Variants in GIGYF1 observed in about 807,000 individuals in gnomAD.
GIGYF1 encodes the protein GRB10-interacting GYF protein 1.
A neutral mutation model predicts 147.1 loss-of-function variants in GIGYF1; 84 were observed. That is an observed-to-expected ratio of 0.57 (90% CI 0.48 to 0.68). GIGYF1 has a LOEUF of 0.68. Ranked by LOEUF, GIGYF1 falls within the 30% of genes least tolerant of loss-of-function variation. The pLI is 0.00. For synonymous variants in GIGYF1, 752 were observed against 589.5 expected (o/e 1.28, Z -3.99); for missense variants, 1,485 against 1,393.7 (o/e 1.07, Z -1.04).
intron 15 of GIGYF1, 41 bp from the exon 16 acceptor site, chr7:100,684,657 C>T (rs1321551812): frequency 1.2e-6 from 2 of 1,612,682 alleles, no homozygotes; most frequent in Admixed American, 1.7e-5. Context: ...ACTGGGGTCA[C>T]AGGGTATGCC....
rs768202565 is a variant in GIGYF1 at position 100,684,061 on chromosome 7, G to GAGC, written c.1824_1826dup (p.Leu609dup). 1 of 1,606,764 alleles carries GAGC rather than the reference G, an allele frequency of 6.2e-7. No homozygotes were observed. Among genetic ancestry groups the GAGC allele is most frequent in the South Asian group, 1.1e-5 (1 of 90,992 alleles). On this transcript the variant is annotated inframe_insertion, in exon 18 of 27. Coordinates refer to ENST00000678049, the MANE Select transcript of GIGYF1 (RefSeq NM_001375765.1). ...CCTGGAGCTGCTGCAGGAATGCCGT[G>GAGC]AGCTGCTGCTGCTGCTGCTGTGGCG... is the stretch of plus-strand genomic sequence containing the variant.
chr7:100,682,804 C>G, intron 22 of GIGYF1, 27 bp from the exon 23 acceptor site: 2 of 1,513,192 alleles, frequency 1.3e-6, no homozygotes, highest in Non-Finnish European at 1.8e-6. Context: ...ATCAGAGTGG[C>G]TCAAACAAAG....
In GIGYF1 at chr7:100,685,130, G is replaced by A; in HGVS notation, c.1209C>T (p.Ile403=). ...PPAAEDDIRG[I]QLSPGVGSSA... ...AGGAGCCCACCCCGGGACTCAGCTG[G>A]ATCCCCCGAATATCATCTGGAAGGC... The change falls in exon 14 of 27, where the codon ATC becomes ATT. Residue 403 remains isoleucine, a synonymous_variant. Coordinates refer to ENST00000678049, the MANE Select transcript of GIGYF1 (RefSeq NM_001375765.1). 6.3e-7 allele frequency: 1 copy of A among 1,583,012 alleles called. No individual in the cohort carries two copies. Among genetic ancestry groups the A allele is most frequent in the Non-Finnish European group, 8.6e-7 (1 of 1,163,378 alleles).
chr7:100,684,935 T>A, intron 14 of GIGYF1, 41 bp from the exon 15 acceptor site: 2 of 1,597,398 alleles, frequency 1.3e-6, no homozygotes, highest in Non-Finnish European at 1.7e-6. Flanking sequence ...GCTGCCAATC[T>A]CAGCAACATC....
chr7:100,688,066 G>A lies in GIGYF1; in HGVS notation c.80C>T (p.Pro27Leu), dbSNP rs761128413. Residue 27 changes from proline (P) to leucine (L), a missense_variant, in exon 5 of 27, where the codon CCG (proline) becomes CTG (leucine). Physicochemically the swap from Pro to Leu is moderately conservative, Grantham distance 98. Transcript: ENST00000678049. The part of the protein sequence containing the change: ...SGGGSVASPP[P>L]SPAMPKYKLA... ...CTTGTATTTGGGCATGGCAGGGGAC[G>A]GGGGTGGGGAGGCCACGCTGCCGCC... The A allele has an allele frequency of 7.4e-6, 12 of 1,612,436 alleles. No individual in the cohort carries two copies. Among genetic ancestry groups the A allele is most frequent in the African/African-American group, 2.7e-5 (2 of 74,918 alleles).
In GIGYF1 at chr7:100,684,576, G is replaced by A. The variant is rs762305052; in HGVS notation, c.1503C>T (p.Ala501=). The A allele has an allele frequency of 3.7e-6, 6 of 1,614,176 alleles. No homozygotes were observed. Among genetic ancestry groups the A allele is most frequent in the Middle Eastern group, 3.3e-4 (2 of 6,062 alleles). The part of the protein sequence containing the change: ...TTQEMAEWFQ[A]GYFSMSLLVK... ...CCAGCAGTGACATGGAAAAGTAGCC[G>A]GCCTGGAACCACTCTGCCATCTCCT... is the stretch of plus-strand genomic sequence containing the variant. Residue 501 remains alanine (A), a synonymous_variant, in exon 16 of 27, where the codon GCC becomes GCT. Transcript: ENST00000678049.
At chr7:100,686,890 G>C (rs576186216) in intron 9 of GIGYF1, 71 bp from the exon 10 acceptor site, 2 of 1,601,764 alleles carry the variant, frequency 1.2e-6, no homozygotes, top group Non-Finnish European at 8.5e-7. Context: ...GAAACGTTGG[G>C]GGGGCCAGCT....
rs771092929 is a variant in GIGYF1, at chr7:100,683,588, G to T, written c.2014C>A (p.Gln672Lys). 6.2e-7 allele frequency: 1 copy of T among 1,614,230 alleles called. No homozygotes were observed. The highest frequency in any genetic ancestry group is 1.1e-5 in the South Asian group (1 of 91,090). ...LWDIPINSST[Q>K]GPILEQLQLQ... ...TGGAGTTGTTCTAGAATTGGACCCT[G>T]AGTCGAAGAGTTAATTGGTATGTCC... is the stretch of plus-strand genomic sequence containing the variant. Residue 672 changes from glutamine (Q) to lysine (K), a missense_variant, in exon 20 of 27, where the codon CAG becomes AAG. By Grantham distance (53) the Gln-to-Lys change is moderately conservative. Transcript: ENST00000678049.
intron 9 of GIGYF1, 67 bp downstream of exon 9, chr7:100,686,939 C>A (rs903281906): frequency 8.0e-5 from 128 of 1,606,896 alleles, no homozygotes; most frequent in Non-Finnish European, 1.0e-4. Flanking sequence ...AAATAAGCAC[C>A]CCCAGACTGG....
At chr7:100,685,258 G>A in intron 13 of GIGYF1, 86 bp downstream of exon 13, 5 of 1,528,264 alleles carry the variant, frequency 3.3e-6, no homozygotes, top group Non-Finnish European at 4.4e-6. Flanking sequence ...CAATGTGAAT[G>A]CCCTGTGTGC....
intron 18 of GIGYF1, 45 bp downstream of exon 18, chr7:100,683,975 T>TCCCCC: frequency 1.2e-6 from 1 of 825,818 alleles, no homozygotes; most frequent in South Asian, 1.4e-5. Flanking sequence ...TCTGCCCCCA[T>TCCCCC]CCCCCCCCCA....
Position 100,689,342 on chromosome 7 carries a change from G to A in GIGYF1, c.-885C>T, listed in dbSNP as rs970329104. ...CTCTGGCACCATCAGGTGGAAATAA[G>A]GTCAGGGCAATGGAGGCTGATGGGG... On this transcript the variant is annotated 5_prime_UTR_variant, in exon 2 of 27. Transcript: ENST00000678049. 9 of 152,356 alleles carry A rather than the reference G, an allele frequency of 5.9e-5. No homozygotes were observed. The highest frequency in any genetic ancestry group is 1.3e-4 in the Non-Finnish European group (9 of 68,158). 9.4% of individuals were successfully genotyped at this position (152,356 alleles called of 1,614,324 possible). A position where few individuals can be genotyped will look rare whatever the true frequency, so the allele number is the denominator to read the frequency against.
At chr7:100,687,685 A>G (rs879027714) in intron 6 of GIGYF1, 69 bp from the exon 7 acceptor site, 1 of 936,346 alleles carries the variant, frequency 1.1e-6, no homozygotes, top group Non-Finnish European at 1.5e-6. Context: ...ACCCCACAGC[A>G]CCCTCCCCGC....
chr7:100,686,240 C>T lies in GIGYF1; in HGVS notation c.888G>A (p.Leu296=). ...TGCCCATTTCTTCATCCTCATCGTC[C>T]AGGCACCACTCTGGGAGCCCATCCT... ...EDKDGLPEWC[L]DDEDEEMGTF... Residue 296 remains leucine (L), a synonymous_variant, in exon 11 of 27, where the codon CTG becomes CTA. Coordinates refer to ENST00000678049, the MANE Select transcript of GIGYF1 (RefSeq NM_001375765.1). 6.2e-7 allele frequency: 1 copy of T among 1,614,024 alleles called. No homozygotes were observed. The highest frequency in any genetic ancestry group is 1.1e-5 in the South Asian group (1 of 91,074).
chr7:100,687,388 C>T lies in GIGYF1; in HGVS notation c.392G>A (p.Ser131Asn), dbSNP rs370126134. The T allele has an allele frequency of 1.9e-6, 3 of 1,613,356 alleles. No homozygotes were observed. The African/African-American group carries it at 4.0e-5, about 22-fold the overall frequency. The change falls in exon 8 of 27, where the codon AGC becomes AAC. Residue 131 changes from serine to asparagine, a missense_variant. Coordinates refer to ENST00000678049, the MANE Select transcript of GIGYF1 (RefSeq NM_001375765.1). ...TRSRGRGRGD[S>N]CFYQRSIEEG... is the part of the protein sequence containing the mutation. ...TTCGATGCTTCTTTGGTAAAAGCAG[C>T]TGTCACCACGGCCGCGGCCTAGAGA... is the stretch of plus-strand genomic sequence containing the variant.
In GIGYF1 at chr7:100,681,758, G is replaced by T; in HGVS notation, c.3069C>A (p.His1023Gln). 1 of 1,587,210 alleles carries T rather than the reference G, an allele frequency of 6.3e-7. No homozygotes were observed. Among genetic ancestry groups the T allele is most frequent in the South Asian group, 1.2e-5 (1 of 86,664 alleles). The part of the protein sequence containing the change: ...SDPSILGYSL[H>Q]GSSGEIESVD... ...CGCTCTCGATCTCACCAGAAGATCCGTGCAGGGAGTACCCTGAAGCCGGGG... is the reference window on the plus strand; with the variant it reads ...CGCTCTCGATCTCACCAGAAGATCCTTGCAGGGAGTACCCTGAAGCCGGGG... Residue 1023 changes from histidine to glutamine, a missense_variant, in exon 27 of 27, where the codon CAC becomes CAA. By Grantham distance (24) the His-to-Gln change is conservative. Transcript: ENST00000678049.
In GIGYF1 at chr7:100,680,597, T is replaced by C. The variant is rs925683695; in HGVS notation, c.*1122A>G. 1 of 152,568 alleles carries C rather than the reference T, an allele frequency of 6.6e-6. No individual in the cohort carries two copies. The highest frequency in any genetic ancestry group is 1.5e-5 in the Non-Finnish European group (1 of 68,098). The allele number at this position is 152,568 out of a possible 1,614,324, so 9.5% of individuals were successfully genotyped here. On this transcript the variant is annotated 3_prime_UTR_variant, in exon 27 of 27. Transcript: ENST00000678049. ...TCAGCGGAAGGGTCAGGTGCAGAGCTGGGTGGTCCACATCTTACGAGCTGG... is the reference window on the plus strand; with the variant it reads ...TCAGCGGAAGGGTCAGGTGCAGAGCCGGGTGGTCCACATCTTACGAGCTGG...
At chr7:100,693,757 C>T (rs1186570084) in intron 1 of GIGYF1, among the ~76,000 whole-genome samples, 1 of 151,648 alleles carries the variant, frequency 6.6e-6, no homozygotes, top group East Asian at 2.0e-4. Context: ...TGGAAGGCAG[C>T]GCGCCGGCCC....
rs533132638 is a variant in GIGYF1 at position 100,685,543 on chromosome 7, C to T, written c.1055-62G>A. 5 of 1,569,562 alleles carry T rather than the reference C, an allele frequency of 3.2e-6. No individual in the cohort carries two copies. The African/African-American group carries it at 6.9e-5, about 22-fold the overall frequency. ...GCTGGGCCTGCCACGCGAGTTAGCA[C>T]AAGCCCTTGAGTGTGGCTGGAACCG... On this transcript the variant is annotated intron_variant, in intron 12 of 26. Coordinates refer to ENST00000678049, the MANE Select transcript of GIGYF1 (RefSeq NM_001375765.1).
Sources: allele counts gnomAD v4.1 joint callset (sites outside exome capture counted in the v4.1 genomes callset), GRCh38; gene constraint gnomAD v4.1.1; transcripts MANE v1.5; gene names NCBI Gene and HGNC (gene_info 2026-07-23, HGNC 2026-07-21).